Variants in CTRC observed in about 807,000 individuals in gnomAD.
The protein encoded by CTRC is chymotrypsin C, also known as chymotrypsin-C.
Under a neutral mutation model 35.7 loss-of-function variants are expected in CTRC, and 32 were observed. That is an observed-to-expected ratio of 0.90 (90% CI 0.68 to 1.20). CTRC has a LOEUF of 1.20. Ranked by LOEUF, CTRC falls within the 50% of genes most tolerant of loss-of-function variation. CTRC has a pLI of 0.00. For missense variants in CTRC, 324 were observed against 361.5 expected (o/e 0.90, Z 0.84); for synonymous variants, 119 against 149.5 (o/e 0.80, Z 1.49).
In CTRC at chr1:15,438,502, G is replaced by A. The variant is rs1239740619; in HGVS notation, c.38G>A (p.Cys13Tyr). 1 of 1,614,136 alleles carries A rather than the reference G, an allele frequency of 6.2e-7. No homozygotes were observed. The highest frequency in any genetic ancestry group is 2.2e-5 in the East Asian group (1 of 44,892). The change falls in exon 1 of 8, where the codon TGT becomes TAT. Residue 13 changes from cysteine to tyrosine, a missense_variant and splice_region_variant. By Grantham distance (194) the Cys-to-Tyr change is radical. Transcript: ENST00000375949. ...GITVLAALLA[C>Y]ASSCGVPSFP... ...ACTGTCCTCGCTGCGCTCTTGGCCT[G>A]TGGTAAGCGGTGGGGTGGGGCTGCA...
chr1:15,443,739 A>G (rs1708171567), intron 5 of CTRC, among the ~76,000 whole-genome samples, 184 bp downstream of exon 5: 1 of 152,244 alleles, frequency 6.6e-6, no homozygotes, highest in South Asian at 2.1e-4. Context: ...GGTCTCTGAG[A>G]GATGTGGTAA....
In CTRC at chr1:15,446,978, G is replaced by C. The variant is rs992207215; in HGVS notation, c.*389G>C. On this transcript the variant is annotated 3_prime_UTR_variant, in exon 8 of 8. Coordinates refer to ENST00000375949, the MANE Select transcript of CTRC (RefSeq NM_007272.3). ...CCCTGATGAAATCACTCGCTTCTCCGATCCTACCTCCACCGAGGGGCCTGG... is the reference window on the plus strand; with the variant it reads ...CCCTGATGAAATCACTCGCTTCTCCCATCCTACCTCCACCGAGGGGCCTGG... 2.8e-6 allele frequency: 1 copy of C among 356,180 alleles called. No homozygotes were observed. Among genetic ancestry groups the C allele is most frequent in the Non-Finnish European group, 5.4e-6 (1 of 183,650 alleles). The allele number at this position is 356,180 out of a possible 1,614,324, so 22.1% of individuals were successfully genotyped here.
chr1:15,445,631 A>C lies in CTRC; in HGVS notation c.674A>C (p.Glu225Ala), dbSNP rs201486613. Residue 225 changes from glutamate (E) to alanine (A), a missense_variant, in exon 7 of 8, where the codon GAG (glutamate) becomes GCG (alanine). Transcript: ENST00000375949. ...DSGGPLNCQL[E>A]NGSWEVFGIV... ...GGTGGCCCACTGAACTGCCAGTTGG[A>C]GAACGGTTCCTGGGAGGTGTTTGGC... is the stretch of plus-strand genomic sequence containing the variant. 411 of 1,614,184 alleles carry C rather than the reference A, an allele frequency of 2.5e-4. 1 individual carries two copies. Among genetic ancestry groups the C allele is most frequent in the Middle Eastern group, 6.6e-4 (4 of 6,062 alleles).
At position 15,442,206 on chromosome 1, in the gene CTRC, C is replaced by T. The variant is rs369924326; in HGVS notation, c.231-241C>T. On this transcript the variant is annotated intron_variant, in intron 3 of 7. Coordinates refer to ENST00000375949, the MANE Select transcript of CTRC (RefSeq NM_007272.3). ...CCCTGGGAGTAAGTTCCAGCATTGC[C>T]TCCCCCTTACAGATGAGGGAACTGA... is the stretch of plus-strand genomic sequence containing the variant. Among the ~76,000 whole-genome samples the T allele has an allele frequency of 4.6e-5, 7 of 152,304 alleles. No homozygotes were observed. In the South Asian group the frequency reaches 1.2e-3, roughly 27 times the overall value.
At chr1:15,444,110 G>A (rs1003207935) in intron 5 of CTRC, among the ~76,000 whole-genome samples, 1 of 151,984 alleles carries the variant, frequency 6.6e-6, no homozygotes, top group African/African-American at 2.4e-5. Context: ...TTTTTAAATA[G>A]CAGTGTATGG....
intron 3 of CTRC, among the ~76,000 whole-genome samples, chr1:15,441,669 T>C (rs967244985): frequency 5.3e-5 from 8 of 151,586 alleles, no homozygotes; most frequent in Non-Finnish European, 8.8e-5. Flanking sequence ...TTGCAACATA[T>C]TTCATTTTAT....
chr1:15,440,247 C>T (rs1473276516), intron 1 of CTRC, 53 bp from the exon 2 acceptor site: 1 of 692,076 alleles, frequency 1.4e-6, no homozygotes, highest in African/African-American at 1.9e-5. Flanking sequence ...CACCCCTTTC[C>T]CCGTGGGCTA....
intron 6 of CTRC, 123 bp downstream of exon 6, chr1:15,444,874 A>G: frequency 3.9e-6 from 5 of 1,282,748 alleles, no homozygotes; most frequent in Non-Finnish European, 5.6e-6. Context: ...GGCTGGGCCC[A>G]GCAGGCTCAG....
intron 5 of CTRC, 100 bp downstream of exon 5, chr1:15,443,655 T>A (rs1311315365): frequency 3.5e-6 from 5 of 1,440,590 alleles, no homozygotes; most frequent in Non-Finnish European, 4.9e-6. Flanking sequence ...CACATTTTCA[T>A]GTCTTTGTAA....
At chr1:15,440,228 C>G in intron 1 of CTRC, 72 bp from the exon 2 acceptor site, 1 of 426,506 alleles carries the variant, frequency 2.3e-6, no homozygotes, top group Non-Finnish European at 4.8e-6. Context: ...TTCCACCTGC[C>G]CACCCTCCCA....
rs539906011 is a variant in CTRC at position 15,439,731 on chromosome 1, A to AGTTTT, written c.41-548_41-544dup. On this transcript the variant is annotated intron_variant, in intron 1 of 7. Coordinates refer to ENST00000375949, the MANE Select transcript of CTRC (RefSeq NM_007272.3). ...CCGGGCACTCGCACACATGCCAGCCAGTTTTGTTTTGTTTTGTTTTGTTTT... is the reference window on the plus strand; with the variant it reads ...CCGGGCACTCGCACACATGCCAGCCAGTTTTGTTTTGTTTTGTTTTGTTTTGTTTT... 2.6e-4 allele frequency among the ~76,000 whole-genome samples: 39 copies of AGTTTT among 152,180 alleles called. No homozygotes were observed. The Middle Eastern group carries it at 0.014, about 53-fold the overall frequency.
At position 15,443,567 on chromosome 1, in the gene CTRC, C is replaced by T; in HGVS notation, c.493+12C>T. Reference sequence around the variant, plus strand: ...GGGCCGCCTCTGGAGTGAGTATCGTCCCTGGCAAATCCTGAGAGCCTTCCT... The same window carrying T: ...GGGCCGCCTCTGGAGTGAGTATCGTTCCTGGCAAATCCTGAGAGCCTTCCT... On this transcript the variant is annotated intron_variant, in intron 5 of 7. Coordinates refer to ENST00000375949, the MANE Select transcript of CTRC (RefSeq NM_007272.3). The T allele has an allele frequency of 6.2e-7, 1 of 1,614,192 alleles. No individual in the cohort carries two copies. The highest frequency in any genetic ancestry group is 1.3e-5 in the African/African-American group (1 of 75,070).
intron 4 of CTRC, among the ~76,000 whole-genome samples, chr1:15,443,136 C>T (rs569019366): frequency 6.6e-6 from 1 of 152,354 alleles, no homozygotes; most frequent in South Asian, 2.1e-4. Flanking sequence ...CCACAGCCAG[C>T]AGTGGTTTCG....
intron 1 of CTRC, 99 bp from the exon 2 acceptor site, chr1:15,440,201 C>A: frequency 9.0e-7 from 1 of 1,113,536 alleles, no homozygotes; most frequent in Non-Finnish European, 1.3e-6. Context: ...GTCTGCCCAG[C>A]CCCAACTCTG....
In CTRC at chr1:15,440,524, G is replaced by A. The variant is rs121909294; in HGVS notation, c.164G>A (p.Trp55Ter). Residue 55 changes from tryptophan to a stop codon, truncating the protein, a stop_gained, in exon 3 of 8, where the codon TGG (tryptophan) becomes TAG (stop). Transcript: ENST00000375949. LOFTEE classifies it high-confidence loss of function. Reference protein sequence around the residue: ...ISLQYLKNDTWRHTCGGTLIA... With the variant: ...ISLQYLKNDT ...CTCCAGTACCTCAAGAACGACACGT[G>A]GAGGCATACGTGTGGCGGGACTTTG... 25 of 1,614,076 alleles carry A rather than the reference G, an allele frequency of 1.5e-5. No homozygotes were observed. The highest frequency in any genetic ancestry group is 1.5e-4 in the Admixed American group (9 of 60,002).
At position 15,447,008 on chromosome 1, in the gene CTRC, TCCTCACAG is replaced by T. The variant is rs1708232536; in HGVS notation, c.*422_*429del. 3 of 323,052 alleles carry T rather than the reference TCCTCACAG, an allele frequency of 9.3e-6. No individual in the cohort carries two copies. The highest frequency in any genetic ancestry group is 7.9e-5 in the South Asian group (3 of 38,194). 20.0% of individuals were successfully genotyped at this position (323,052 alleles called of 1,614,324 possible). On this transcript the variant is annotated 3_prime_UTR_variant, in exon 8 of 8. Transcript: ENST00000375949. Reference sequence around the variant, plus strand: ...TACCTCCACCGAGGGGCCTGGCAGGTCCTCACAGCCCCCCAGCAGCAGGTGGAAGACAG... The same window carrying T: ...TACCTCCACCGAGGGGCCTGGCAGGTCCCCCCAGCAGCAGGTGGAAGACAG...
At chr1:15,440,624 C>A in intron 3 of CTRC, 34 bp downstream of exon 3, 1 of 1,595,210 alleles carries the variant, frequency 6.3e-7, no homozygotes. Flanking sequence ...ACCTGGCCAT[C>A]GTCCGGGGGC....
At chr1:15,442,181 C>A (rs546304736) in intron 3 of CTRC, among the ~76,000 whole-genome samples, 7 of 152,298 alleles carry the variant, frequency 4.6e-5, no homozygotes, top group Non-Finnish European at 1.0e-4. Flanking sequence ...CTCACAGCCG[C>A]CCTGGGAGTA....
chr1:15,440,114 C>T (rs1570781228), intron 1 of CTRC, among the ~76,000 whole-genome samples, 186 bp from the exon 2 acceptor site: 1 of 152,206 alleles, frequency 6.6e-6, no homozygotes, highest in East Asian at 1.9e-4. Flanking sequence ...TGATTCTTCA[C>T]ATTTCACAGA....
Sources: gnomAD v4.1 joint callset for allele counts (sites outside exome capture counted in the v4.1 genomes callset) on GRCh38, gnomAD v4.1.1 for gene constraint, MANE v1.5 for transcripts, NCBI Gene and HGNC (gene_info 2026-07-23, HGNC 2026-07-21) for gene names.